Variants in PHIP observed in about 807,000 individuals in gnomAD.
PHIP encodes PHIP subunit of CUL4-Ring ligase complex, also known as PH-interacting protein.
A neutral mutation model predicts 236.8 loss-of-function variants in PHIP; 54 were observed. The observed-to-expected ratio is 0.23, with a 90% CI of 0.18 to 0.29. PHIP has a LOEUF of 0.29. Ranked by LOEUF, PHIP falls within the 10% of genes least tolerant of loss-of-function variation. The probability of loss-of-function intolerance (pLI) is 1.00; values close to 1 mark genes in which losing one functional copy is unlikely to be tolerated. For synonymous variants in PHIP, 756 were observed against 718.9 expected, an observed-to-expected ratio of 1.05 and a Z score of -0.83; for missense variants, 1,370 against 2,190.8, an observed-to-expected ratio of 0.63 and a Z score of 7.48.
At chr6:78,994,249 A>T (rs932244170) in intron 19 of PHIP, among the ~76,000 whole-genome samples, 1 of 152,238 alleles carries the variant, frequency 6.6e-6, no homozygotes, top group African/African-American at 2.4e-5. Flanking sequence ...ATATGCTTTG[A>T]ACATTGCTGA....
At chr6:79,038,626 G>A (rs1436842785) in intron 7 of PHIP, among the ~76,000 whole-genome samples, 1 of 148,992 alleles carries the variant, frequency 6.7e-6, no homozygotes, top group East Asian at 2.0e-4. Context: ...AGCCTCTCAG[G>A]CAGCTTCTCT....
At chr6:78,958,871 T>TA (rs1259656049) in intron 31 of PHIP, among the ~76,000 whole-genome samples, 2 of 152,034 alleles carry the variant, frequency 1.3e-5, no homozygotes, top group African/African-American at 4.8e-5. Flanking sequence ...AGAACGTCTA[T>TA]ATGGGGAGTG....
chr6:78,995,189 T>A (rs1769529298), intron 19 of PHIP, among the ~76,000 whole-genome samples: 2 of 152,240 alleles, frequency 1.3e-5, no homozygotes, highest in Non-Finnish European at 2.9e-5. Flanking sequence ...ATACCCATTG[T>A]ATCAATATGC....
At chr6:78,973,957 G>C (rs1381149656) in intron 24 of PHIP, among the ~76,000 whole-genome samples, 23 of 152,022 alleles carry the variant, frequency 1.5e-4, no homozygotes. Context: ...GTCAACATTA[G>C]ACAGATCAAC....
At chr6:79,003,057 A>G (rs888024685) in intron 16 of PHIP, among the ~76,000 whole-genome samples, 1 of 152,112 alleles carries the variant, frequency 6.6e-6, no homozygotes, top group Non-Finnish European at 1.5e-5. Flanking sequence ...CCATTCCACC[A>G]CAAGTAAGCA....
intron 6 of PHIP, among the ~76,000 whole-genome samples, chr6:79,051,896 A>T (rs965584893): frequency 6.6e-6 from 1 of 151,926 alleles, no homozygotes; most frequent in Admixed American, 6.6e-5. Context: ...TTTTCTTTTA[A>T]ATAAACATTT....
Position 78,946,271 on chromosome 6 carries a change from A to T in PHIP, c.4371-11T>A. The T allele has an allele frequency of 6.2e-7, 1 of 1,608,472 alleles. No homozygotes were observed. The highest frequency in any genetic ancestry group is 1.7e-4 in the Middle Eastern group (1 of 6,008). On this transcript the variant is annotated splice_polypyrimidine_tract_variant and intron_variant, in intron 37 of 39. Coordinates refer to ENST00000275034, the MANE Select transcript of PHIP (RefSeq NM_017934.7). ...TTTTTCCTTTCAGGGCTGTAAATAA[A>T]ATAGTATTGTCAGTCACTCTTATAG...
rs1180639074 is a variant in PHIP at position 78,970,128 on chromosome 6, A to T, written c.3043T>A (p.Leu1015Ile). The T allele has an allele frequency of 5.0e-6, 8 of 1,612,034 alleles. No homozygotes were observed. The highest frequency in any genetic ancestry group is 2.2e-5 in the East Asian group (1 of 44,794). Reference protein sequence around the residue: ...KIVGIKYEVGLPTLCCLKLAF... With the variant: ...KIVGIKYEVGIPTLCCLKLAF... Reference sequence around the variant, plus strand: ...AGTTTAAGGCAGCAAAGGGTAGGTAATCCCACTTCATACTTTATGCCAACT... The same window carrying T: ...AGTTTAAGGCAGCAAAGGGTAGGTATTCCCACTTCATACTTTATGCCAACT... The change falls in exon 26 of 40, where the codon TTA becomes ATA. Residue 1015 changes from leucine to isoleucine, a missense_variant. Transcript: ENST00000275034.
At chr6:79,019,970 C>A (rs1028469034) in intron 9 of PHIP, among the ~76,000 whole-genome samples, 1 of 152,066 alleles carries the variant, frequency 6.6e-6, no homozygotes, top group African/African-American at 2.4e-5. Flanking sequence ...GCCCTACTTA[C>A]TGTACATTTT....
intron 19 of PHIP, among the ~76,000 whole-genome samples, chr6:78,994,306 G>A (rs1562162452): frequency 2.0e-5 from 3 of 152,144 alleles, no homozygotes; most frequent in African/African-American, 4.8e-5. Flanking sequence ...GGCCAGGCGC[G>A]GTGGCTCATG....
chr6:79,030,430 T>G (rs932848513), intron 7 of PHIP, among the ~76,000 whole-genome samples: 1 of 152,168 alleles, frequency 6.6e-6, no homozygotes, highest in Non-Finnish European at 1.5e-5. Flanking sequence ...CTGCTCGGGC[T>G]AGGAATTGGC....
chr6:78,993,180 G>A lies in PHIP; in HGVS notation c.2202-2195C>T, dbSNP rs551970889. 9.8e-5 allele frequency among the ~76,000 whole-genome samples: 15 copies of A among 152,338 alleles called. No individual in the cohort carries two copies. In the South Asian group the frequency reaches 3.1e-3, roughly 32 times the overall value. Reference sequence around the variant, plus strand: ...ATTCTCTTCTATGAAGGTTGGAAGAGGGGAAAAAGCTGCAGAAGAAAAGTT... The same window carrying A: ...ATTCTCTTCTATGAAGGTTGGAAGAAGGGAAAAAGCTGCAGAAGAAAAGTT... On this transcript the variant is annotated intron_variant, in intron 19 of 39. Coordinates refer to ENST00000275034, the MANE Select transcript of PHIP (RefSeq NM_017934.7).
At chr6:79,075,649 A>G (rs1774116246) in intron 4 of PHIP, among the ~76,000 whole-genome samples, 1 of 151,052 alleles carries the variant, frequency 6.6e-6, no homozygotes, top group African/African-American at 2.4e-5. Context: ...AAAAAACAAA[A>G]AAACAAAATG....
intron 6 of PHIP, among the ~76,000 whole-genome samples, chr6:79,043,965 T>G (rs1772349837): frequency 6.6e-6 from 1 of 151,900 alleles, no homozygotes; most frequent in Non-Finnish European, 1.5e-5. Flanking sequence ...AGCCCAGTAA[T>G]TATGCCCTAA....
chr6:79,026,723 TA>T (rs1582244672), intron 7 of PHIP, among the ~76,000 whole-genome samples: 2 of 148,464 alleles, frequency 1.3e-5, no homozygotes, highest in East Asian at 3.8e-4. Context: ...CATAGTAGTG[TA>T]AGTCCAGAAA....
intron 4 of PHIP, among the ~76,000 whole-genome samples, chr6:79,069,870 T>C (rs112566505): frequency 6.6e-6 from 1 of 152,090 alleles, no homozygotes; most frequent in African/African-American, 2.4e-5. Context: ...ATATGTCATA[T>C]TCAGAATTTA....
chr6:79,000,960 C>A (rs1291661282), intron 17 of PHIP, among the ~76,000 whole-genome samples: 2 of 152,028 alleles, frequency 1.3e-5, no homozygotes, highest in Non-Finnish European at 2.9e-5. Flanking sequence ...ATCTTTATTG[C>A]AACTTCATGC....
chr6:78,946,264 TAAATA>T lies in PHIP; in HGVS notation c.4371-9_4371-5del. ...GATCCTTTTTTTCCTTTCAGGGCTG[TAAATA>T]AAATAGTATTGTCAGTCACTCTTAT... On this transcript the variant is annotated splice_region_variant and splice_polypyrimidine_tract_variant and intron_variant, in intron 37 of 39. Coordinates refer to ENST00000275034, the MANE Select transcript of PHIP (RefSeq NM_017934.7). The T allele has an allele frequency of 1.2e-6, 2 of 1,609,602 alleles. No homozygotes were observed. The highest frequency in any genetic ancestry group is 1.7e-4 in the Middle Eastern group (1 of 6,020).
In PHIP at chr6:78,947,651, T is replaced by C; in HGVS notation, c.4178A>G (p.Lys1393Arg). ...KDVRLIFSNS[K>R]AYTPSKRSRI... ...TGATCTTTTGCTTGGTGTATATGCTTTGGAATTACTGAAAATAAGTCTGAC... is the reference window on the plus strand; with the variant it reads ...TGATCTTTTGCTTGGTGTATATGCTCTGGAATTACTGAAAATAAGTCTGAC... Residue 1393 changes from lysine (K) to arginine (R), a missense_variant, in exon 36 of 40, where the codon AAA becomes AGA. Coordinates refer to ENST00000275034, the MANE Select transcript of PHIP (RefSeq NM_017934.7). The C allele has an allele frequency of 6.7e-7, 1 of 1,486,344 alleles. No homozygotes were observed. The highest frequency in any genetic ancestry group is 9.4e-7 in the Non-Finnish European group (1 of 1,064,906). 92.1% of individuals were successfully genotyped at this position (1,486,344 alleles called of 1,614,324 possible). A position where few individuals can be genotyped will look rare whatever the true frequency, so the allele number is the denominator to read the frequency against.
Sources: allele counts gnomAD v4.1 joint callset (sites outside exome capture counted in the v4.1 genomes callset), GRCh38; gene constraint gnomAD v4.1.1; transcripts MANE v1.5; gene names NCBI Gene and HGNC (gene_info 2026-07-23, HGNC 2026-07-21).